The following CSMD1 variants were observed in gnomAD, a reference collection of about 807,000 sequenced individuals.
CSMD1 encodes CUB and sushi domain-containing protein 1.
A neutral mutation model predicts 417.5 loss-of-function variants in CSMD1; 213 were observed. That is an observed-to-expected ratio of 0.51 (90% CI 0.46 to 0.57). CSMD1 has a LOEUF of 0.57. CSMD1 is among the 20% of genes least tolerant of loss of function. The pLI, the probability that CSMD1 is intolerant of heterozygous loss-of-function variation, is 0.00. For synonymous variants in CSMD1, 2,862 were observed against 1,736.8 expected, an observed-to-expected ratio of 1.65 and a Z score of -16.11; for missense variants, 6,923 against 4,529.7, an observed-to-expected ratio of 1.53 and a Z score of -15.17.
intron 1 of CSMD1, among the ~76,000 whole-genome samples, chr8:4,744,742 T>G (rs1240335638): frequency 2.6e-5 from 4 of 152,146 alleles, no homozygotes; most frequent in African/African-American, 9.7e-5. Flanking sequence ...TACTAATTAG[T>G]GTATGAAGCT....
At chr8:3,033,921 G>C (rs1042110159) in intron 50 of CSMD1, among the ~76,000 whole-genome samples, 4 of 152,210 alleles carry the variant, frequency 2.6e-5, no homozygotes, top group Non-Finnish European at 2.9e-5. Context: ...GTAACAAGGA[G>C]TTGAGTCTCA....
At chr8:3,303,434 T>C (rs756303554) in intron 25 of CSMD1, among the ~76,000 whole-genome samples, 1 of 152,214 alleles carries the variant, frequency 6.6e-6, no homozygotes, top group African/African-American at 2.4e-5. Flanking sequence ...ATGTTACCTT[T>C]TCTAAAAGTC....
intron 25 of CSMD1, among the ~76,000 whole-genome samples, chr8:3,306,139 T>C (rs1486134178): frequency 6.6e-6 from 1 of 152,162 alleles, no homozygotes. Flanking sequence ...TTCATCCCAT[T>C]TTATTTTTGT....
chr8:3,589,863 C>A (rs1329608198), intron 8 of CSMD1, among the ~76,000 whole-genome samples: 1 of 152,072 alleles, frequency 6.6e-6, no homozygotes, highest in Non-Finnish European at 1.5e-5. Context: ...CCATAAATAT[C>A]TACAGTTTTT....
intron 18 of CSMD1, 93 bp downstream of exon 18, chr8:3,387,401 A>AC (rs1057236835): frequency 6.7e-6 from 7 of 1,040,120 alleles, no homozygotes; most frequent in African/African-American, 3.2e-5. Context: ...GTAAGGTACC[A>AC]CCCCCTGAAA....
At chr8:3,847,311 G>T (rs866971861) in intron 5 of CSMD1, among the ~76,000 whole-genome samples, 2 of 152,134 alleles carry the variant, frequency 1.3e-5, no homozygotes, top group Non-Finnish European at 2.9e-5. Context: ...GGGAGAACCT[G>T]ACCTACTTAG....
chr8:2,953,468 A>AC (rs1802779411), intron 65 of CSMD1, among the ~76,000 whole-genome samples: 1 of 151,776 alleles, frequency 6.6e-6, no homozygotes, highest in Non-Finnish European at 1.5e-5. Flanking sequence ...AAAAAAAAAA[A>AC]CAGTGTTAAA....
intron 3 of CSMD1, among the ~76,000 whole-genome samples, chr8:4,263,127 A>C (rs77963856): frequency 1.0e-3 from 155 of 152,262 alleles, no homozygotes; most frequent in African/African-American, 3.6e-3. Context: ...GGGTGATATC[A>C]CTTATTTTTT....
intron 3 of CSMD1, among the ~76,000 whole-genome samples, chr8:4,277,641 G>T (rs146557080): frequency 6.6e-6 from 1 of 152,178 alleles, no homozygotes; most frequent in Non-Finnish European, 1.5e-5. Flanking sequence ...AGGATATGCA[G>T]AAACAACCTG....
At chr8:4,799,627 A>AAAAAAAAAAAC (rs1798170167) in intron 1 of CSMD1, among the ~76,000 whole-genome samples, 1 of 138,716 alleles carries the variant, frequency 7.2e-6, no homozygotes, top group African/African-American at 2.8e-5. Flanking sequence ...AAAAAAAAAA[A>AAAAAAAAAAAC]AGTAATCCCT....
intron 3 of CSMD1, among the ~76,000 whole-genome samples, chr8:4,344,163 T>G: frequency 6.6e-6 from 1 of 152,274 alleles, no homozygotes; most frequent in Admixed American, 6.5e-5. Context: ...CTTGTTAATC[T>G]GCTTTTTCAT....
intron 2 of CSMD1, among the ~76,000 whole-genome samples, chr8:4,486,562 A>T (rs1052817559): frequency 7.2e-5 from 11 of 152,078 alleles, no homozygotes; most frequent in Admixed American, 6.6e-4. Flanking sequence ...GCATAACAGA[A>T]GCTTATCAAT....
intron 5 of CSMD1, among the ~76,000 whole-genome samples, chr8:3,931,131 C>G (rs1389584962): frequency 6.6e-6 from 1 of 150,494 alleles, no homozygotes; most frequent in Non-Finnish European, 1.5e-5. Context: ...TGCAGGGTAA[C>G]CATAGATAAT....
At chr8:4,926,913 G>C (rs1009721063) in intron 1 of CSMD1, among the ~76,000 whole-genome samples, 1 of 151,884 alleles carries the variant, frequency 6.6e-6, no homozygotes, top group African/African-American at 2.4e-5. Flanking sequence ...CTTTGTTTTA[G>C]TTAATTTTTA....
chr8:4,684,490 T>A (rs1806243619), intron 1 of CSMD1, among the ~76,000 whole-genome samples: 1 of 152,172 alleles, frequency 6.6e-6, no homozygotes, highest in Non-Finnish European at 1.5e-5. Context: ...TCACCCCGGC[T>A]GGAGAGAGAT....
chr8:3,739,145 T>C (rs968918799), intron 6 of CSMD1, among the ~76,000 whole-genome samples: 6 of 152,210 alleles, frequency 3.9e-5, no homozygotes, highest in African/African-American at 1.4e-4. Context: ...ATTGTAAGTT[T>C]AAACAATGTT....
chr8:4,028,750 T>C (rs1017523765), intron 4 of CSMD1, among the ~76,000 whole-genome samples: 3 of 152,238 alleles, frequency 2.0e-5, no homozygotes, highest in Non-Finnish European at 4.4e-5. Context: ...ACATTAGTGC[T>C]TGTTGTGAGA....
In CSMD1 at chr8:3,536,032, G is replaced by A. The variant is rs535485915; in HGVS notation, c.1344+38913C>T. Among the ~76,000 whole-genome samples the A allele has an allele frequency of 1.6e-4, 24 of 152,252 alleles. No individual in the cohort carries two copies. In the South Asian group the frequency reaches 1.7e-3, roughly 11 times the overall value. ...CAAAAAGTGACCTCCTCAAGCCAGC[G>A]ACCACGCTGTCATAGTCACAGGTCC... On this transcript the variant is annotated intron_variant, in intron 10 of 69. Transcript: ENST00000635120.
intron 5 of CSMD1, among the ~76,000 whole-genome samples, chr8:3,966,802 A>C (rs1371066670): frequency 6.6e-6 from 1 of 152,160 alleles, no homozygotes; most frequent in Non-Finnish European, 1.5e-5. Flanking sequence ...ATTAAATCCC[A>C]AGAAATAATG....
Sources: allele counts gnomAD v4.1 joint callset (sites outside exome capture counted in the v4.1 genomes callset), GRCh38; gene constraint gnomAD v4.1.1; transcripts MANE v1.5; gene names NCBI Gene and HGNC (gene_info 2026-07-23, HGNC 2026-07-21).